Variants in PCDHA13 observed in about 807,000 individuals in gnomAD.
PCDHA13 encodes the protein protocadherin alpha 13.
A neutral mutation model predicts 64.8 loss-of-function variants in PCDHA13; 54 were observed. The observed-to-expected ratio is 0.83, with a 90% confidence interval of 0.67 to 1.04. The LOEUF is 1.04. Among genes scored for constraint, PCDHA13 ranks in the 50% least tolerant of loss-of-function variants. The pLI is 0.00. For missense variants in PCDHA13, 1,248 were observed against 1,254.3 expected (o/e 0.99, Z 0.08); for synonymous variants, 587 against 564.4 (o/e 1.04, Z -0.57).
At chr5:140,895,647 C>A (rs954657912) in intron 1 of PCDHA13, among the ~76,000 whole-genome samples, 2 of 151,996 alleles carry the variant, frequency 1.3e-5, no homozygotes, top group African/African-American at 4.8e-5. Flanking sequence ...TTTTTAGCTC[C>A]CACTTATAAG....
At chr5:140,888,161 C>G (rs1272451290) in intron 1 of PCDHA13, among the ~76,000 whole-genome samples, 1 of 152,160 alleles carries the variant, frequency 6.6e-6, no homozygotes, top group Non-Finnish European at 1.5e-5. Context: ...CTGGTAATCT[C>G]TAATAAGATG....
Position 140,967,929 on chromosome 5 carries a change from G to A in PCDHA13, c.2395-11020G>A, listed in dbSNP as rs1554230126. 5 of 1,614,096 alleles carry A rather than the reference G, an allele frequency of 3.1e-6. No homozygotes were observed. The South Asian group carries it at 4.4e-5, about 14-fold the overall frequency. ...CCCAACACCATTGTGGCCGTTCTCAGTGTCAATGACCAAGACTCAGGCCCC... is the reference window on the plus strand; with the variant it reads ...CCCAACACCATTGTGGCCGTTCTCAATGTCAATGACCAAGACTCAGGCCCC... On this transcript the variant is annotated intron_variant, in intron 1 of 3. Coordinates refer to ENST00000289272, the MANE Select transcript of PCDHA13 (RefSeq NM_018904.3).
chr5:140,935,985 C>G (rs155825), intron 1 of PCDHA13, among the ~76,000 whole-genome samples: 1 of 150,926 alleles, frequency 6.6e-6, no homozygotes, highest in Admixed American at 6.6e-5. Context: ...CTCTGCCTCC[C>G]GGGTTCAAGC....
chr5:140,998,243 C>T (rs1554256209), intron 3 of PCDHA13, among the ~76,000 whole-genome samples: 1 of 152,164 alleles, frequency 6.6e-6, no homozygotes, highest in Non-Finnish European at 1.5e-5. Context: ...CATTATTATA[C>T]TCATTTTACT....
chr5:141,003,520 C>G (rs1171208921), intron 3 of PCDHA13, among the ~76,000 whole-genome samples: 2 of 152,244 alleles, frequency 1.3e-5, no homozygotes, highest in Middle Eastern at 3.4e-3. Flanking sequence ...ACCATGTTCC[C>G]TAGGCTGGTC....
At chr5:140,905,611 T>C (rs1396340503) in intron 1 of PCDHA13, among the ~76,000 whole-genome samples, 1 of 152,224 alleles carries the variant, frequency 6.6e-6, no homozygotes, top group South Asian at 2.1e-4. Flanking sequence ...ATTGAATCTA[T>C]AGATTGCTTT....
intron 1 of PCDHA13, among the ~76,000 whole-genome samples, chr5:140,974,407 A>T (rs1441174003): frequency 6.6e-6 from 1 of 152,244 alleles, no homozygotes; most frequent in African/African-American, 2.4e-5. Flanking sequence ...TTCTAAAGTT[A>T]TGTTTATTTT....
At chr5:140,967,022 A>G (rs2096084806) in intron 1 of PCDHA13, 1 of 1,608,014 alleles carries the variant, frequency 6.2e-7, no homozygotes, top group Middle Eastern at 1.7e-4. Context: ...GGGTGCGCCC[A>G]GTCCGCGCTA....
intron 1 of PCDHA13, among the ~76,000 whole-genome samples, chr5:140,906,547 C>T (rs2072745421): frequency 6.6e-6 from 1 of 152,218 alleles, no homozygotes; most frequent in Non-Finnish European, 1.5e-5. Flanking sequence ...CTCATTTCTG[C>T]AACTGGTTGT....
chr5:140,966,864 T>A, intron 1 of PCDHA13: 1 of 1,564,920 alleles, frequency 6.4e-7, no homozygotes. Flanking sequence ...CTGCTGTTGC[T>A]GCTGCTGCTA....
chr5:140,935,388 T>C (rs2090344079), intron 1 of PCDHA13, among the ~76,000 whole-genome samples: 1 of 152,240 alleles, frequency 6.6e-6, no homozygotes, highest in African/African-American at 2.4e-5. Context: ...TCATTTGTTA[T>C]CCCACGGGAC....
chr5:140,943,090 C>G (rs554425182), intron 1 of PCDHA13, among the ~76,000 whole-genome samples: 3 of 151,542 alleles, frequency 2.0e-5, no homozygotes, highest in African/African-American at 7.3e-5. Context: ...AATCCTGCCT[C>G]TACTAAAAAA....
chr5:140,982,308 A>T, intron 2 of PCDHA13, 167 bp from the exon 3 acceptor site: 1 of 1,269,286 alleles, frequency 7.9e-7, no homozygotes. Context: ...ATGCTTCTGC[A>T]GTTTATGCAG....
chr5:140,997,575 C>T (rs565835201), intron 3 of PCDHA13, among the ~76,000 whole-genome samples: 5 of 151,884 alleles, frequency 3.3e-5, no homozygotes, highest in East Asian at 3.9e-4. Context: ...ATGTGTGGTC[C>T]GTTGTTGACT....
rs782785084 is a variant in PCDHA13, at chr5:140,882,774, C to T, written c.506C>T (p.Thr169Ile). ...GATATTGGAGTAAACTCGGCATTGA[C>T]CTACCGACTGGATCCCAACGATTAT... The part of the protein sequence containing the change: ...DADIGVNSAL[T>I]YRLDPNDYFT... Residue 169 changes from threonine to isoleucine, a missense_variant, in exon 1 of 4, where the codon ACC (threonine) becomes ATC (isoleucine). Coordinates refer to ENST00000289272, the MANE Select transcript of PCDHA13 (RefSeq NM_018904.3). 2 of 1,614,228 alleles carry T rather than the reference C, an allele frequency of 1.2e-6. No homozygotes were observed. The highest frequency in any genetic ancestry group is 1.7e-6 in the Non-Finnish European group (2 of 1,180,034).
chr5:140,883,366 C>T lies in PCDHA13; in HGVS notation c.1098C>T (p.Ser366=), dbSNP rs34923516. The T allele has an allele frequency of 6.2e-7, 1 of 1,614,174 alleles. No individual in the cohort carries two copies. Among genetic ancestry groups the T allele is most frequent in the South Asian group, 1.1e-5 (1 of 91,074 alleles). Residue 366 remains serine (S), a synonymous_variant, in exon 1 of 4, where the codon AGC becomes AGT. Coordinates refer to ENST00000289272, the MANE Select transcript of PCDHA13 (RefSeq NM_018904.3). ...CCATCAGAGAAGACACTCAGCCTAG[C>T]GCCATTATTGCCCTAATCAGTGTGT... is the stretch of plus-strand genomic sequence containing the variant. ...SLPIREDTQP[S]AIIALISVSD...
intron 3 of PCDHA13, among the ~76,000 whole-genome samples, chr5:140,993,956 C>T (rs2097588909): frequency 6.6e-6 from 1 of 152,140 alleles, no homozygotes; most frequent in Admixed American, 6.5e-5. Flanking sequence ...TGATACATGA[C>T]TGTAGTCATC....
Position 140,969,193 on chromosome 5 carries a change from C to T in PCDHA13, c.2395-9756C>T, listed in dbSNP as rs1232655466. The T allele has an allele frequency of 8.1e-6, 13 of 1,614,002 alleles. No homozygotes were observed. In the African/African-American group the frequency reaches 1.2e-4, roughly 15 times the overall value. ...CAGGGAGTGACACTTTCATGTTTTA[C>T]AATACAGGGGCCCAGACAGGACCAG... is the stretch of plus-strand genomic sequence containing the variant. On this transcript the variant is annotated intron_variant, in intron 1 of 3. Transcript: ENST00000289272.
chr5:140,911,515 T>C (rs2075517327), intron 1 of PCDHA13, among the ~76,000 whole-genome samples: 1 of 152,226 alleles, frequency 6.6e-6, no homozygotes, highest in African/African-American at 2.4e-5. Flanking sequence ...CAGTATCTGC[T>C]TCTGAAGCTA....
Sources: allele counts gnomAD v4.1 joint callset (sites outside exome capture counted in the v4.1 genomes callset), GRCh38; gene constraint gnomAD v4.1.1; transcripts MANE v1.5; gene names NCBI Gene and HGNC (gene_info 2026-07-23, HGNC 2026-07-21).